BRAF: variants seen among roughly 807,000 people sequenced by gnomAD.
BRAF encodes the protein B-Raf proto-oncogene, serine/threonine kinase, also known as serine/threonine-protein kinase B-raf.
BRAF carries 16 observed loss-of-function variants against 104.6 expected under a neutral mutation model. The observed-to-expected ratio is 0.15, with a 90% CI of 0.10 to 0.23. The LOEUF (loss-of-function observed/expected upper bound fraction) is 0.23, where lower values mean the gene tolerates loss of function less well. BRAF is among the 10% of genes least tolerant of loss of function. The pLI, the probability that BRAF is intolerant of heterozygous loss-of-function variation, is 1.00. For synonymous variants in BRAF, 310 were observed against 341.6 expected, an observed-to-expected ratio of 0.91 and a Z score of 1.02; for missense variants, 541 against 937.3, an observed-to-expected ratio of 0.58 and a Z score of 5.52.
intron 1 of BRAF, among the ~76,000 whole-genome samples, chr7:140,872,257 G>A (rs918550071): frequency 7.7e-6 from 1 of 130,050 alleles, no homozygotes; most frequent in African/African-American, 3.6e-5. Flanking sequence ...CACAGAACAA[G>A]CTTGAAATTT....
chr7:140,924,476 A>G lies in BRAF; in HGVS notation c.138+90T>C. 2.0e-6 allele frequency: 3 copies of G among 1,515,424 alleles called. No homozygotes were observed. Among genetic ancestry groups the G allele is most frequent in the Non-Finnish European group, 2.6e-6 (3 of 1,132,242 alleles). 93.9% of individuals were successfully genotyped at this position (1,515,424 alleles called of 1,614,324 possible). A position where few individuals can be genotyped will look rare whatever the true frequency, so the allele number is the denominator to read the frequency against. ...GCCCGAGAAGGTGGCTGAGGGCATC[A>G]AGCCCCCACCGCCGCCTCTTTCCAA... On this transcript the variant is annotated intron_variant, in intron 1 of 19. Transcript: ENST00000644969. This position sits in a 1 kb window ranked among gnomAD's most constrained non-coding sequence, Gnocchi z 4.2.
Position 140,721,454 on chromosome 7 carries a change from C to A in BRAF, c.*5040G>T. On this transcript the variant is annotated 3_prime_UTR_variant, in exon 20 of 20. Coordinates refer to ENST00000644969, the MANE Select transcript of BRAF (RefSeq NM_001374258.1). ...TTCAATTTAAATGTCTTTGCCCAAA[C>A]AAAAGTGAAAATAGGTTATTTGAAA... 1 of 1,259,520 alleles carries A rather than the reference C, an allele frequency of 7.9e-7. No homozygotes were observed. Among genetic ancestry groups the A allele is most frequent in the Admixed American group, 4.1e-5 (1 of 24,174 alleles). 78.0% of individuals were successfully genotyped at this position (1,259,520 alleles called of 1,614,324 possible).
chr7:140,842,888 G>T (rs1167078754), intron 2 of BRAF, among the ~76,000 whole-genome samples: 1 of 152,140 alleles, frequency 6.6e-6, no homozygotes, highest in Non-Finnish European at 1.5e-5. Flanking sequence ...AAATTAGTAC[G>T]TGGGAAAAAG....
chr7:140,763,732 C>T (rs1334023962), intron 14 of BRAF, among the ~76,000 whole-genome samples: 1 of 152,110 alleles, frequency 6.6e-6, no homozygotes, highest in Non-Finnish European at 1.5e-5. Context: ...ATACACTCTC[C>T]CAAGACTAAA....
chr7:140,781,357 A>T, intron 12 of BRAF: 1 of 554,368 alleles, frequency 1.8e-6, no homozygotes, highest in East Asian at 3.0e-5. Context: ...CCCTTTAAAA[A>T]TTATTACTGT....
intron 15 of BRAF, 92 bp from the exon 15 acceptor site, chr7:140,753,485 T>C (rs1481062013): frequency 1.4e-5 from 11 of 804,954 alleles, no homozygotes; most frequent in African/African-American, 6.9e-5. Context: ...CTAATTTCTA[T>C]AATTCTGTAA....
In BRAF at chr7:140,722,928, G is replaced by A; in HGVS notation, c.*3566C>T. On this transcript the variant is annotated 3_prime_UTR_variant, in exon 20 of 20. Transcript: ENST00000644969. ...CAACACATTTTTTTACAGTATTACT[G>A]CTTAAATGTATAATGCCCTTTAGGA... 1 of 1,055,014 alleles carries A rather than the reference G, an allele frequency of 9.5e-7. No individual in the cohort carries two copies. 65.4% of individuals were successfully genotyped at this position (1,055,014 alleles called of 1,614,324 possible). A position where few individuals can be genotyped will look rare whatever the true frequency, so the allele number is the denominator to read the frequency against.
intron 1 of BRAF, among the ~76,000 whole-genome samples, chr7:140,905,827 G>A (rs1054723261): frequency 7.2e-5 from 11 of 152,060 alleles, no homozygotes; most frequent in South Asian, 4.1e-4. Flanking sequence ...GGTGGCTCAC[G>A]CCTGTAATCC....
At chr7:140,903,154 G>A (rs181461457) in intron 1 of BRAF, among the ~76,000 whole-genome samples, 150 of 152,030 alleles carry the variant, frequency 9.9e-4, no homozygotes, top group Middle Eastern at 3.4e-3. Flanking sequence ...TTGAACTCCC[G>A]GCCTCAGGTG....
At chr7:140,907,303 C>G (rs1816431827) in intron 1 of BRAF, among the ~76,000 whole-genome samples, 1 of 152,144 alleles carries the variant, frequency 6.6e-6, no homozygotes, top group African/African-American at 2.4e-5. Flanking sequence ...GCACTGCCAC[C>G]CAGGCTGGAG....
Position 140,721,133 on chromosome 7 carries a change from T to TA in BRAF, c.*5360dup. ...CTGGCTTACATTGGCTGTGTCCTCA[T>TA]ACACACTCGTCAAGTCACTATAATT... On this transcript the variant is annotated 3_prime_UTR_variant, in exon 20 of 20. Coordinates refer to ENST00000644969, the MANE Select transcript of BRAF (RefSeq NM_001374258.1). 9.4e-7 allele frequency: 1 copy of TA among 1,063,842 alleles called. No individual in the cohort carries two copies. Among genetic ancestry groups the TA allele is most frequent in the South Asian group, 4.6e-5 (1 of 21,948 alleles). The allele number at this position is 1,063,842 out of a possible 1,614,324, so 65.9% of individuals were successfully genotyped here. A position where few individuals can be genotyped will look rare whatever the true frequency, so the allele number is the denominator to read the frequency against.
intron 1 of BRAF, among the ~76,000 whole-genome samples, chr7:140,851,350 T>C (rs1472670385): frequency 2.0e-5 from 3 of 152,132 alleles, no homozygotes; most frequent in Non-Finnish European, 4.4e-5. Context: ...AACATAAATA[T>C]AACACACAGT....
chr7:140,880,310 A>C (rs1812758711), intron 1 of BRAF, among the ~76,000 whole-genome samples: 1 of 152,222 alleles, frequency 6.6e-6, no homozygotes. Flanking sequence ...CATCTATAAG[A>C]AGCAACTTCT....
At chr7:140,870,483 T>C (rs1375571561) in intron 1 of BRAF, among the ~76,000 whole-genome samples, 2 of 152,196 alleles carry the variant, frequency 1.3e-5, no homozygotes, top group South Asian at 4.1e-4. Context: ...ACAATAGATC[T>C]TATCTCTTCA....
In BRAF at chr7:140,724,901, C is replaced by T; in HGVS notation, c.*1593G>A. On this transcript the variant is annotated 3_prime_UTR_variant, in exon 20 of 20. Coordinates refer to ENST00000644969, the MANE Select transcript of BRAF (RefSeq NM_001374258.1). ...TTTGCTATGACTGTGATTGATATTA[C>T]CCTTTAATAAAGGCCAAAGGAAGCT... is the stretch of plus-strand genomic sequence containing the variant. The T allele has an allele frequency of 2.9e-6, 3 of 1,036,506 alleles. No homozygotes were observed. Among genetic ancestry groups the T allele is most frequent in the East Asian group, 5.8e-5 (1 of 17,114 alleles). 64.2% of individuals were successfully genotyped at this position (1,036,506 alleles called of 1,614,324 possible). A position where few individuals can be genotyped will look rare whatever the true frequency, so the allele number is the denominator to read the frequency against.
In BRAF at chr7:140,924,079, C is replaced by A. The variant is rs187538177; in HGVS notation, c.138+487G>T. Among the ~76,000 whole-genome samples the A allele has an allele frequency of 1.3e-5, 2 of 152,240 alleles. No individual in the cohort carries two copies. Among genetic ancestry groups the A allele is most frequent in the East Asian group, 3.9e-4 (2 of 5,180 alleles). ...AAGGGCAGCGGACTGAGAAGGGGGG[C>A]AGTCCGGGAGAGGAGAGAGGAAATG... On this transcript the variant is annotated intron_variant, in intron 1 of 19. Transcript: ENST00000644969. The surrounding 1 kb of genome is among the most constrained non-coding windows in gnomAD (Gnocchi z 4.2).
chr7:140,856,377 A>T (rs1281056657), intron 1 of BRAF, among the ~76,000 whole-genome samples: 1 of 152,154 alleles, frequency 6.6e-6, no homozygotes, highest in Non-Finnish European at 1.5e-5. Flanking sequence ...CTTAGTTGGA[A>T]AAATTCAGAA....
chr7:140,862,182 A>C (rs1358427281), intron 1 of BRAF, among the ~76,000 whole-genome samples: 1 of 152,240 alleles, frequency 6.6e-6, no homozygotes, highest in Non-Finnish European at 1.5e-5. Context: ...ACAATGAACA[A>C]ACAGAATAAA....
At chr7:140,912,806 C>T (rs1251976466) in intron 1 of BRAF, among the ~76,000 whole-genome samples, 1 of 152,214 alleles carries the variant, frequency 6.6e-6, no homozygotes, top group Non-Finnish European at 1.5e-5. Flanking sequence ...CCTCGGCCTC[C>T]CAAAGTGCTG....
Sources: gnomAD v4.1 joint callset for allele counts (sites outside exome capture counted in the v4.1 genomes callset) on GRCh38, gnomAD v4.1.1 for gene constraint, Gnocchi (gnomAD v3.1) non-coding constraint, MANE v1.5 for transcripts, NCBI Gene and HGNC (gene_info 2026-07-23, HGNC 2026-07-21) for gene names.